The following GSTM1 variants were observed in gnomAD, a reference collection of about 807,000 sequenced individuals.
GSTM1 encodes GST HB subunit 4.
Under a neutral mutation model 17.3 loss-of-function variants are expected in GSTM1, and 6 were observed. That is an observed-to-expected ratio of 0.35 (90% CI 0.19 to 0.68). GSTM1 has a LOEUF of 0.68. Ranked by LOEUF, GSTM1 falls within the 30% of genes least tolerant of loss-of-function variation. The pLI, the probability that GSTM1 is intolerant of heterozygous loss-of-function variation, is 0.65. For synonymous variants in GSTM1, 20 were observed against 53.6 expected (o/e 0.37, Z 2.74); for missense variants, 62 against 155.9 (o/e 0.40, Z 3.21).
At chr1:109,692,290 T>C (rs1248127400) in intron 7 of GSTM1, among the ~76,000 whole-genome samples, 1 of 78,912 alleles carries the variant, frequency 1.3e-5, no homozygotes, top group African/African-American at 3.6e-5. Flanking sequence ...ACTCCTGACC[T>C]CGGGTGATCC....
At chr1:109,693,042 C>T in intron 7 of GSTM1, 164 bp from the exon 8 acceptor site, 1 of 314,992 alleles carries the variant, frequency 3.2e-6, no homozygotes, top group South Asian at 3.4e-5. Context: ...GAAGAGTTAA[C>T]TCCGCAAATC....
rs1352216146 is a variant in GSTM1, at chr1:109,688,394, G to A, written c.112+149G>A. 20 of 461,538 alleles carry A rather than the reference G, an allele frequency of 4.3e-5. 7 individuals carry two copies. Among genetic ancestry groups the A allele is most frequent in the Admixed American group, 2.9e-4 (8 of 27,216 alleles). 28.6% of individuals were successfully genotyped at this position (461,538 alleles called of 1,614,324 possible). A position where few individuals can be genotyped will look rare whatever the true frequency, so the allele number is the denominator to read the frequency against. On this transcript the variant is annotated intron_variant, in intron 2 of 7. Coordinates refer to ENST00000309851, the MANE Select transcript of GSTM1 (RefSeq NM_000561.4). Reference sequence around the variant, plus strand: ...CTGAGCCCCGGTGAGGGAGCCCTCTGGCCTTGCAAGGCAGAATGCTGGGGT... The same window carrying A: ...CTGAGCCCCGGTGAGGGAGCCCTCTAGCCTTGCAAGGCAGAATGCTGGGGT...
chr1:109,687,961 C>T lies in GSTM1; in HGVS notation c.36+52C>T, dbSNP rs770387627. 2.7e-6 allele frequency: 2 copies of T among 736,374 alleles called. 1 individual carries two copies. Among genetic ancestry groups the T allele is most frequent in the Admixed American group, 6.1e-5 (2 of 32,758 alleles). 45.6% of individuals were successfully genotyped at this position (736,374 alleles called of 1,614,324 possible). On this transcript the variant is annotated intron_variant, in intron 1 of 7. Transcript: ENST00000309851. ...GACGAGGGCGCAGGGGAGGGAAGTG[C>T]GAAGCAGCTGCGGGACGGACTCTAG... is the stretch of plus-strand genomic sequence containing the variant.
At chr1:109,691,390 G>A (rs1249886106) in intron 7 of GSTM1, among the ~76,000 whole-genome samples, 2 of 77,088 alleles carry the variant, frequency 2.6e-5, no homozygotes, top group African/African-American at 7.4e-5. Context: ...GCACCACCAC[G>A]TCTGGCTAAT....
rs149927059 is a variant in GSTM1, at chr1:109,689,092, C to T, written c.222C>T (p.Asn74=). ...GGGCTCACAAGATCACCCAGAGCAA[C>T]GCCATCTTGTGCTACATTGCCCGCA... ...IDGAHKITQS[N]AILCYIARKH... is the part of the protein sequence containing the mutation. The change falls in exon 4 of 8, where the codon AAC becomes AAT. Residue 74 remains asparagine (N), a synonymous_variant. Transcript: ENST00000309851. 275 of 797,004 alleles carry T rather than the reference C, an allele frequency of 3.5e-4. 109 individuals are homozygous for T. The highest frequency in any genetic ancestry group is 1.4e-3 in the Admixed American group (46 of 32,800). 49.4% of individuals were successfully genotyped at this position (797,004 alleles called of 1,614,324 possible).
chr1:109,688,006 C>T lies in GSTM1; in HGVS notation c.36+97C>T, dbSNP rs145941576. The T allele has an allele frequency of 8.0e-3, 5,683 of 714,208 alleles. 1,977 individuals are homozygous for T. The African/African-American group carries it at 0.081, about 10-fold the overall frequency. The allele number at this position is 714,208 out of a possible 1,614,324, so 44.2% of individuals were successfully genotyped here. Reference sequence around the variant, plus strand: ...CTCTAGGGACCGTTCCTCTTCAGGGCTGCCCGCCTCAGAAGGGCCTGTGCA... The same window carrying T: ...CTCTAGGGACCGTTCCTCTTCAGGGTTGCCCGCCTCAGAAGGGCCTGTGCA... On this transcript the variant is annotated intron_variant, in intron 1 of 7. Coordinates refer to ENST00000309851, the MANE Select transcript of GSTM1 (RefSeq NM_000561.4).
intron 7 of GSTM1, among the ~76,000 whole-genome samples, chr1:109,692,142 T>A (rs538530478): frequency 1.4e-5 from 1 of 69,790 alleles, no homozygotes; most frequent in African/African-American, 4.1e-5. Context: ...TACTGCAACC[T>A]CTGCCTCCCG....
intron 7 of GSTM1, among the ~76,000 whole-genome samples, chr1:109,691,127 G>T (rs1648087501): frequency 1.3e-5 from 1 of 79,914 alleles, no homozygotes; most frequent in South Asian, 3.8e-4. Context: ...CCAGGGCTGT[G>T]GCTGTAGCTG....
In GSTM1 at chr1:109,688,622, G is replaced by A. The variant is rs1648017765; in HGVS notation, c.113-51G>A. On this transcript the variant is annotated intron_variant, in intron 2 of 7. Coordinates refer to ENST00000309851, the MANE Select transcript of GSTM1 (RefSeq NM_000561.4). ...GCTCCGTGGGAGGGTCCCCGGGAAG[G>A]AGGGCTGGGCTCTGGGGAGGTTTGT... is the stretch of plus-strand genomic sequence containing the variant. 4.1e-6 allele frequency: 3 copies of A among 731,016 alleles called. 1 individual carries two copies. In the African/African-American group the frequency reaches 5.8e-5, roughly 14 times the overall value. 45.3% of individuals were successfully genotyped at this position (731,016 alleles called of 1,614,324 possible).
chr1:109,688,569 T>G (rs1247717093), intron 2 of GSTM1, 104 bp from the exon 3 acceptor site: 1 of 463,084 alleles, frequency 2.2e-6, no homozygotes, highest in Admixed American at 3.5e-5. Flanking sequence ...AGATTCTAGA[T>G]CCACCTGTCT....
At position 109,688,904 on chromosome 1, in the gene GSTM1, G is replaced by A. The variant is rs1648028363; in HGVS notation, c.178-144G>A. On this transcript the variant is annotated intron_variant, in intron 3 of 7. Transcript: ENST00000309851. ...TGATGTTCTGTGTCCACCTGCATTC[G>A]TTCATGTGACAGTATTCTTATTTCA... 1.2e-5 allele frequency: 6 copies of A among 493,996 alleles called. 2 individuals carry two copies. In the Admixed American group the frequency reaches 1.6e-4, roughly 13 times the overall value. The allele number at this position is 493,996 out of a possible 1,614,324, so 30.6% of individuals were successfully genotyped here.
At position 109,690,607 on chromosome 1, in the gene GSTM1, GT is replaced by G. The variant is rs747168891; in HGVS notation, c.567+45del. On this transcript the variant is annotated intron_variant, in intron 7 of 7. Coordinates refer to ENST00000309851, the MANE Select transcript of GSTM1 (RefSeq NM_000561.4). ...CTTTCTCTTTGATGCCCCTTGTTCC[GT>G]TACCTCCTTTCAGATGTTTTCCCAG... 8.8e-6 allele frequency: 7 copies of G among 799,008 alleles called. 3 individuals are homozygous for G. In the Admixed American group the frequency reaches 1.5e-4, roughly 17 times the overall value. The allele number at this position is 799,008 out of a possible 1,614,324, so 49.5% of individuals were successfully genotyped here. A position where few individuals can be genotyped will look rare whatever the true frequency, so the allele number is the denominator to read the frequency against.
rs1648102247 is a variant in GSTM1 at position 109,691,737 on chromosome 1, C to T, written c.567+1173C>T. 2.4e-5 allele frequency among the ~76,000 whole-genome samples: 2 copies of T among 82,374 alleles called. 1 individual carries two copies. Among genetic ancestry groups the T allele is most frequent in the African/African-American group, 6.9e-5 (2 of 29,014 alleles). The allele number at this position is 82,374 out of a possible 152,430, so 54.0% of individuals were successfully genotyped here. ...AGGTGTGTGTGGCACCACCTGGGTA[C>T]CAGGCCCGGGGCCTGCCCCTCACTC... On this transcript the variant is annotated intron_variant, in intron 7 of 7. Transcript: ENST00000309851.
Position 109,688,450 on chromosome 1 carries a change from G to A in GSTM1, c.112+205G>A. 2 of 381,724 alleles carry A rather than the reference G, an allele frequency of 5.2e-6. 1 individual carries two copies. The highest frequency in any genetic ancestry group is 9.8e-6 in the Non-Finnish European group (2 of 203,322). 23.6% of individuals were successfully genotyped at this position (381,724 alleles called of 1,614,324 possible). A position where few individuals can be genotyped will look rare whatever the true frequency, so the allele number is the denominator to read the frequency against. Reference sequence around the variant, plus strand: ...GCTGGGCCCCCTGTCTAATTGGGACGGGTGTCCCTCAGGGCTTGCCTAAAC... The same window carrying A: ...GCTGGGCCCCCTGTCTAATTGGGACAGGTGTCCCTCAGGGCTTGCCTAAAC... On this transcript the variant is annotated intron_variant, in intron 2 of 7. Transcript: ENST00000309851.
In GSTM1 at chr1:109,690,482, A is replaced by G. The variant is rs544766466; in HGVS notation, c.485A>G (p.Asp162Gly). 2.5e-6 allele frequency: 2 copies of G among 801,426 alleles called. No individual in the cohort carries two copies. Among genetic ancestry groups the G allele is most frequent in the Non-Finnish European group, 1.8e-6 (1 of 555,106 alleles). 49.6% of individuals were successfully genotyped at this position (801,426 alleles called of 1,614,324 possible). A position where few individuals can be genotyped will look rare whatever the true frequency, so the allele number is the denominator to read the frequency against. Residue 162 changes from aspartate to glycine, a missense_variant, in exon 7 of 8, where the codon GAT becomes GGT. Asp to Gly is a moderately conservative substitution (Grantham distance 94). Transcript: ENST00000309851. Reference protein sequence around the residue: ...KITFVDFLVYDVLDLHRIFEP... With the variant: ...KITFVDFLVYGVLDLHRIFEP... Reference sequence around the variant, plus strand: ...ACTTTTGTAGATTTTCTCGTCTATGATGTCCTTGACCTCCACCGTATATTT... The same window carrying G: ...ACTTTTGTAGATTTTCTCGTCTATGGTGTCCTTGACCTCCACCGTATATTT...
chr1:109,691,174 G>C (rs1648088608), intron 7 of GSTM1, among the ~76,000 whole-genome samples: 1 of 74,922 alleles, frequency 1.3e-5, no homozygotes, highest in South Asian at 4.3e-4. Flanking sequence ...TGTTGAAGGA[G>C]TATATGTTGA....
rs376564748 is a variant in GSTM1, at chr1:109,688,186, G to A, written c.53G>A (p.Arg18His). 1.1e-5 allele frequency: 9 copies of A among 798,260 alleles called. 3 individuals are homozygous for A. The highest frequency in any genetic ancestry group is 1.4e-5 in the Non-Finnish European group (8 of 552,900). 49.4% of individuals were successfully genotyped at this position (798,260 alleles called of 1,614,324 possible). A position where few individuals can be genotyped will look rare whatever the true frequency, so the allele number is the denominator to read the frequency against. Residue 18 changes from arginine (R) to histidine (H), a missense_variant, in exon 2 of 8, where the codon CGC becomes CAC. By Grantham distance (29) the Arg-to-His change is conservative (BLOSUM62 0). Coordinates refer to ENST00000309851, the MANE Select transcript of GSTM1 (RefSeq NM_000561.4). ...CTCTCCCAGCTGGCCCACGCCATCC[G>A]CCTGCTCCTGGAATACACAGACTCA... ...WDIRGLAHAI[R>H]LLLEYTDSSY...
intron 7 of GSTM1, among the ~76,000 whole-genome samples, chr1:109,692,327 G>C (rs1232981282): frequency 1.3e-5 from 1 of 79,048 alleles, no homozygotes; most frequent in African/African-American, 3.6e-5. Context: ...CAATGTGCTG[G>C]GATTACAGGT....
At position 109,689,101 on chromosome 1, in the gene GSTM1, G is replaced by C; in HGVS notation, c.231G>C (p.Leu77Phe). 2 of 796,880 alleles carry C rather than the reference G, an allele frequency of 2.5e-6. 1 individual carries two copies. Among genetic ancestry groups the C allele is most frequent in the Non-Finnish European group, 3.6e-6 (2 of 552,650 alleles). 49.4% of individuals were successfully genotyped at this position (796,880 alleles called of 1,614,324 possible). ...AHKITQSNAI[L>F]CYIARKHNLC... ...AGATCACCCAGAGCAACGCCATCTTGTGCTACATTGCCCGCAAGCACAACC... is the reference window on the plus strand; with the variant it reads ...AGATCACCCAGAGCAACGCCATCTTCTGCTACATTGCCCGCAAGCACAACC... The change falls in exon 4 of 8, where the codon TTG (leucine) becomes TTC (phenylalanine). Residue 77 changes from leucine (L) to phenylalanine (F), a missense_variant. Coordinates refer to ENST00000309851, the MANE Select transcript of GSTM1 (RefSeq NM_000561.4).
Sources: gnomAD v4.1 joint callset for allele counts (sites outside exome capture counted in the v4.1 genomes callset) on GRCh38, gnomAD v4.1.1 for gene constraint, MANE v1.5 for transcripts, NCBI Gene and HGNC (gene_info 2026-07-23, HGNC 2026-07-21) for gene names.